STON2: variants seen among roughly 807,000 people sequenced by gnomAD.
STON2 encodes the protein stonin-2.
In STON2, 29 loss-of-function variants were observed where a neutral mutation model predicts 65.7. That is an observed-to-expected ratio of 0.44 (90% CI 0.33 to 0.60). STON2 has a LOEUF of 0.60. Among genes scored for constraint, STON2 ranks in the 20% least tolerant of loss-of-function variants. The pLI is 0.03. For synonymous variants in STON2, 404 were observed against 414.2 expected (o/e 0.98, Z 0.30); for missense variants, 1,054 against 1,118.1 (o/e 0.94, Z 0.82).
intron 4 of STON2, among the ~76,000 whole-genome samples, chr14:81,356,280 C>A (rs1357038501): frequency 6.6e-6 from 1 of 152,030 alleles, no homozygotes; most frequent in East Asian, 1.9e-4. Context: ...TGGTTTTTGT[C>A]TTTGGTTCTG....
rs1418948997 is a variant in STON2, at chr14:81,266,045, A to T, written c.*2369T>A. The T allele has an allele frequency of 1.0e-6, 1 of 985,284 alleles. No homozygotes were observed. Among genetic ancestry groups the T allele is most frequent in the Non-Finnish European group, 1.2e-6 (1 of 829,924 alleles). The allele number at this position is 985,284 out of a possible 1,614,324, so 61.0% of individuals were successfully genotyped here. On this transcript the variant is annotated 3_prime_UTR_variant, in exon 8 of 8. Transcript: ENST00000614646. ...ATTCCTTGACAAAAACCTCAAAGGA[A>T]CTCCACTGTATTTCAAAGAGCATGA...
At chr14:81,369,068 C>T (rs1189959138) in intron 4 of STON2, among the ~76,000 whole-genome samples, 2 of 152,134 alleles carry the variant, frequency 1.3e-5, no homozygotes, top group African/African-American at 4.8e-5. Flanking sequence ...TTTATTCCTC[C>T]CTATCTCCCT....
intron 4 of STON2, among the ~76,000 whole-genome samples, chr14:81,354,559 A>T (rs899941633): frequency 2.0e-5 from 3 of 152,274 alleles, no homozygotes; most frequent in Admixed American, 1.3e-4. Context: ...AGACAAAAAA[A>T]TTCAGAATAA....
At chr14:81,284,835 G>A (rs1895272639) in intron 5 of STON2, among the ~76,000 whole-genome samples, 1 of 152,160 alleles carries the variant, frequency 6.6e-6, no homozygotes, top group African/African-American at 2.4e-5. Flanking sequence ...TGAAGCCATT[G>A]CTCATTAACC....
intron 5 of STON2, among the ~76,000 whole-genome samples, chr14:81,289,485 G>T (rs1210887706): frequency 6.6e-6 from 1 of 152,186 alleles, no homozygotes; most frequent in Non-Finnish European, 1.5e-5. Context: ...CAGAGCCCCA[G>T]GGGAGAATAG....
chr14:81,377,478 G>C (rs998048702), intron 3 of STON2, among the ~76,000 whole-genome samples: 3 of 152,152 alleles, frequency 2.0e-5, no homozygotes, highest in Admixed American at 2.0e-4. Flanking sequence ...ATAAACATTT[G>C]TGTACAGGTT....
At chr14:81,294,443 T>G (rs1895682902) in intron 5 of STON2, among the ~76,000 whole-genome samples, 3 of 152,162 alleles carry the variant, frequency 2.0e-5, no homozygotes, top group Admixed American at 2.0e-4. Context: ...GGTTCATCTC[T>G]TGGCTACTCT....
chr14:81,281,536 G>C (rs1895118991), intron 5 of STON2, among the ~76,000 whole-genome samples: 1 of 152,182 alleles, frequency 6.6e-6, no homozygotes, highest in Non-Finnish European at 1.5e-5. Context: ...TCACCCTGTA[G>C]TTTAAAACAA....
upstream of STON2, among the ~76,000 whole-genome samples, chr14:81,403,565 T>C (rs903365155): frequency 3.3e-5 from 5 of 152,214 alleles, no homozygotes; most frequent in Non-Finnish European, 2.9e-5. Flanking sequence ...AATGGAAACT[T>C]GACCCAAGCC....
At chr14:81,333,493 A>G (rs1897277621) in intron 4 of STON2, 1 of 258,710 alleles carries the variant, frequency 3.9e-6, no homozygotes, top group African/African-American at 2.2e-5. Context: ...CGAAGAAAAC[A>G]AAGCTCAGAA....
chr14:81,276,983 T>G lies in STON2; in HGVS notation c.2499A>C (p.Arg833Ser). Residue 833 changes from arginine to serine, a missense_variant, in exon 6 of 8, where the codon AGA becomes AGC. Coordinates refer to ENST00000614646, the MANE Select transcript of STON2 (RefSeq NM_001394390.1). ...TSVSGSEPVM[R>S]VTLGTAKYEH... ...CGTACTTGGCAGTTCCCAGAGTTAC[T>G]CTCATGACAGGCTCAGAGCCAGAAA... 6.2e-7 allele frequency: 1 copy of G among 1,614,182 alleles called. No homozygotes were observed. Among genetic ancestry groups the G allele is most frequent in the Non-Finnish European group, 8.5e-7 (1 of 1,180,028 alleles).
At position 81,420,944 on chromosome 14, in the gene STON2, C is replaced by T. The variant is rs375137977; in HGVS notation, c.-199+6158G>A. Among the ~76,000 whole-genome samples, 4 of 152,280 alleles carry T rather than the reference C, an allele frequency of 2.6e-5. No individual in the cohort carries two copies. In the East Asian group the frequency reaches 7.7e-4, roughly 29 times the overall value. ...CACCTGAACATCACCCATCACTGACCCCAACCCCTGCAGTGTGTGTCACAG... is the reference window on the plus strand; with the variant it reads ...CACCTGAACATCACCCATCACTGACTCCAACCCCTGCAGTGTGTGTCACAG... On this transcript the variant is annotated intron_variant, in intron 2 of 8. Coordinates refer to the STON2 transcript ENST00000553821.
chr14:81,360,870 C>T (rs997395342), intron 4 of STON2, among the ~76,000 whole-genome samples: 5 of 152,102 alleles, frequency 3.3e-5, no homozygotes, highest in African/African-American at 1.2e-4. Flanking sequence ...TGTTTCTATA[C>T]ACCAACAAAT....
chr14:81,392,738 A>G (rs1900139699), intron 3 of STON2, among the ~76,000 whole-genome samples: 1 of 152,208 alleles, frequency 6.6e-6, no homozygotes. Context: ...TATGGAGCAA[A>G]AGTGCTTCAT....
chr14:81,333,076 T>G lies in STON2; in HGVS notation c.572-8889A>C. 4 of 777,454 alleles carry G rather than the reference T, an allele frequency of 5.1e-6. No individual in the cohort carries two copies. The South Asian group carries it at 6.1e-5, about 12-fold the overall frequency. The allele number at this position is 777,454 out of a possible 1,614,324, so 48.2% of individuals were successfully genotyped here. On this transcript the variant is annotated intron_variant, in intron 4 of 7. Transcript: ENST00000614646. Reference sequence around the variant, plus strand: ...GTTCTTTTTCTTCTCATACAGACCATGTCTTACAAGTCTATGTTTGGATTC... The same window carrying G: ...GTTCTTTTTCTTCTCATACAGACCAGGTCTTACAAGTCTATGTTTGGATTC...
At chr14:81,434,186 A>T (rs1178843734) in intron 1 of STON2, among the ~76,000 whole-genome samples, 1 of 152,260 alleles carries the variant, frequency 6.6e-6, no homozygotes, top group Non-Finnish European at 1.5e-5. Flanking sequence ...TAATAAAATT[A>T]AAAATTCAAC....
intron 4 of STON2, among the ~76,000 whole-genome samples, chr14:81,364,602 ATG>A (rs1199647865): frequency 6.6e-6 from 1 of 152,182 alleles, no homozygotes; most frequent in Non-Finnish European, 1.5e-5. Flanking sequence ...TTGTATATGT[ATG>A]TGTGTGTATA....
At chr14:81,281,768 A>G (rs1291470625) in intron 5 of STON2, among the ~76,000 whole-genome samples, 1 of 152,196 alleles carries the variant, frequency 6.6e-6, no homozygotes, top group Non-Finnish European at 1.5e-5. Flanking sequence ...CCAAGTCCTA[A>G]ACAGTTTTGA....
chr14:81,358,924 T>C (rs1238899936), intron 4 of STON2, among the ~76,000 whole-genome samples: 1 of 152,148 alleles, frequency 6.6e-6, no homozygotes, highest in Non-Finnish European at 1.5e-5. Context: ...AAAGACATAT[T>C]GCAATACAAT....
Sources: gnomAD v4.1 joint callset for allele counts (sites outside exome capture counted in the v4.1 genomes callset) on GRCh38, gnomAD v4.1.1 for gene constraint, MANE v1.5 for transcripts, NCBI Gene and HGNC (gene_info 2026-07-23, HGNC 2026-07-21) for gene names.